ANO1: variants seen among roughly 807,000 people sequenced by gnomAD.
The protein encoded by ANO1 is anoctamin-1.
Under a neutral mutation model 124.0 loss-of-function variants are expected in ANO1, and 59 were observed. The ratio of observed to expected loss-of-function variants is 0.48; its 90% CI spans 0.39 to 0.59. The LOEUF (loss-of-function observed/expected upper bound fraction) is 0.59. Among genes scored for constraint, ANO1 ranks in the 20% least tolerant of loss-of-function variants. ANO1 has a pLI of 0.00. For synonymous variants in ANO1, 529 were observed against 532.0 expected (o/e 0.99, Z 0.08); for missense variants, 1,059 against 1,328.0 (o/e 0.80, Z 3.15).
intron 11 of ANO1, among the ~76,000 whole-genome samples, chr11:70,145,284 G>A (rs897399813): frequency 2.0e-5 from 3 of 152,072 alleles, no homozygotes; most frequent in Non-Finnish European, 4.4e-5. Context: ...CCACCCCCAC[G>A]CTCACTGCCC....
intron 8 of ANO1, among the ~76,000 whole-genome samples, chr11:70,121,816 CTCCA>C (rs2046291630): frequency 9.7e-6 from 1 of 103,148 alleles, no homozygotes; most frequent in Non-Finnish European, 2.1e-5. Context: ...GTCTCTGTCT[CTCCA>C]TCTCCCCCAC....
At chr11:70,179,172 G>C (rs1467991222) in intron 22 of ANO1, among the ~76,000 whole-genome samples, 1 of 152,226 alleles carries the variant, frequency 6.6e-6, no homozygotes, top group African/African-American at 2.4e-5. Context: ...GACGAGTGCT[G>C]GTTATCACCC....
chr11:70,055,567 T>G (rs924158651), intron 1 of ANO1, among the ~76,000 whole-genome samples: 1 of 152,086 alleles, frequency 6.6e-6, no homozygotes, highest in African/African-American at 2.4e-5. Context: ...TTCTTTTTAT[T>G]AAAGTGTGTC....
At chr11:70,178,052 G>A (rs2135814244) in intron 22 of ANO1, among the ~76,000 whole-genome samples, 1 of 152,340 alleles carries the variant, frequency 6.6e-6, no homozygotes, top group Middle Eastern at 3.4e-3. Context: ...GGTTGGAAAG[G>A]GCTTTCTGCA....
At position 70,088,083 on chromosome 11, in the gene ANO1, A is replaced by T; in HGVS notation, c.440A>T (p.Asp147Val). 9.3e-7 allele frequency: 1 copy of T among 1,072,666 alleles called. No individual in the cohort carries two copies. The highest frequency in any genetic ancestry group is 1.1e-6 in the Non-Finnish European group (1 of 876,742). 66.4% of individuals were successfully genotyped at this position (1,072,666 alleles called of 1,614,324 possible). A position where few individuals can be genotyped will look rare whatever the true frequency, so the allele number is the denominator to read the frequency against. The change falls in exon 2 of 26, where the codon GAC (aspartate) becomes GTC (valine). Residue 147 changes from aspartate (D) to valine (V), a missense_variant and splice_region_variant. Physicochemically the swap from Asp to Val is radical, Grantham distance 152. Around this residue, in one of 2 missense-constraint regions of ANO1, gnomAD observed 250 missense variants for 233.1 expected, o/e 1.07. Transcript: ENST00000355303. ...EAGLELERDE[D>V]TKIHGVGFVK... ...GGCCTGGAGCTGGAGCGGGACGAGG[A>T]CGTAACTATCTCACTGCGCGCTGTT...
intron 1 of ANO1, among the ~76,000 whole-genome samples, chr11:70,050,114 C>A (rs1165268018): frequency 6.6e-6 from 1 of 152,214 alleles, no homozygotes; most frequent in Non-Finnish European, 1.5e-5. Flanking sequence ...CTGGGAAAAT[C>A]TCTTGAATGT....
intron 1 of ANO1, among the ~76,000 whole-genome samples, chr11:69,988,639 AT>A (rs1475804485): frequency 2.0e-5 from 3 of 152,138 alleles, no homozygotes; most frequent in Non-Finnish European, 4.4e-5. Context: ...GGAGCAATTG[AT>A]TGGTACAGAT....
At chr11:70,135,587 C>T (rs1314244890) in intron 11 of ANO1, among the ~76,000 whole-genome samples, 1 of 152,238 alleles carries the variant, frequency 6.6e-6, no homozygotes, top group Admixed American at 6.5e-5. Context: ...TCCAAAGGCA[C>T]CCACTTTTGT....
intron 1 of ANO1, among the ~76,000 whole-genome samples, chr11:70,044,895 A>G (rs1857236330): frequency 1.3e-5 from 2 of 152,216 alleles, no homozygotes; most frequent in African/African-American, 2.4e-5. Flanking sequence ...TGTTAAAGAC[A>G]TTATTGGAAC....
intron 11 of ANO1, among the ~76,000 whole-genome samples, chr11:70,147,977 A>G (rs2047447637): frequency 6.6e-6 from 1 of 151,754 alleles, no homozygotes; most frequent in Admixed American, 6.6e-5. Context: ...GGGGGTTCCT[A>G]TTTCCAGGCT....
chr11:70,146,848 G>T (rs1390674036), intron 11 of ANO1, among the ~76,000 whole-genome samples: 1 of 152,130 alleles, frequency 6.6e-6, no homozygotes, highest in East Asian at 1.9e-4. Context: ...AAAGATGAAG[G>T]CCGGAAGACT....
At chr11:69,996,772 C>T (rs1422053667) in intron 1 of ANO1, among the ~76,000 whole-genome samples, 1 of 152,218 alleles carries the variant, frequency 6.6e-6, no homozygotes, top group African/African-American at 2.4e-5. Context: ...AGTCTGAGGA[C>T]AATAATCCCT....
chr11:70,169,209 G>A (rs1023902237), intron 21 of ANO1, among the ~76,000 whole-genome samples: 10 of 152,122 alleles, frequency 6.6e-5, no homozygotes, highest in Admixed American at 3.9e-4. Context: ...TGGACATCAC[G>A]TCCCGAGTTC....
At chr11:70,083,638 C>T (rs921583432) in intron 1 of ANO1, among the ~76,000 whole-genome samples, 2 of 152,140 alleles carry the variant, frequency 1.3e-5, no homozygotes, top group African/African-American at 2.4e-5. Flanking sequence ...TGCTTTCTGG[C>T]TTGGAGGGAT....
intron 3 of ANO1, among the ~76,000 whole-genome samples, chr11:70,103,450 C>T (rs931470379): frequency 3.9e-5 from 6 of 152,118 alleles, no homozygotes; most frequent in African/African-American, 1.2e-4. Flanking sequence ...TCTCGGCCCC[C>T]GGGGAATTTA....
At position 70,170,829 on chromosome 11, in the gene ANO1, TC is replaced by T. The variant is rs2048437585; in HGVS notation, c.2198-52del. 85 of 1,551,404 alleles carry T rather than the reference TC, an allele frequency of 5.5e-5. No individual in the cohort carries two copies. The Middle Eastern group carries it at 1.4e-3, about 25-fold the overall frequency. On this transcript the variant is annotated intron_variant, in intron 21 of 25. Coordinates refer to ENST00000355303, the MANE Select transcript of ANO1 (RefSeq NM_018043.7). ...CGGCTCGGCACACGGGGTGGTGGAG[TC>T]CCCCCTTATGGGCTGTGGCTCACGG...
chr11:70,006,290 CTGG>C (rs1856480145), intron 1 of ANO1, among the ~76,000 whole-genome samples: 1 of 152,220 alleles, frequency 6.6e-6, no homozygotes, highest in Non-Finnish European at 1.5e-5. Context: ...CATTGTCAAC[CTGG>C]TTTTCCCCCT....
chr11:70,014,772 G>C (rs1856670141), intron 1 of ANO1: 1 of 152,106 alleles, frequency 6.6e-6, no homozygotes, highest in South Asian at 2.1e-4. Context: ...CCCTGCAAGG[G>C]AGTTCCGGAT....
intron 1 of ANO1, among the ~76,000 whole-genome samples, chr11:70,038,209 C>T (rs1555004623): frequency 6.6e-6 from 1 of 152,166 alleles, no homozygotes; most frequent in Non-Finnish European, 1.5e-5. Flanking sequence ...TTAAGCAAGA[C>T]CCAGACCATA....
Sources: gnomAD v4.1 joint callset for allele counts (sites outside exome capture counted in the v4.1 genomes callset) on GRCh38, gnomAD v4.1.1 for gene constraint, gnomAD v4.1.1 regional missense constraint, MANE v1.5 for transcripts, NCBI Gene and HGNC (gene_info 2026-07-23, HGNC 2026-07-21) for gene names.